KIAA1217: variants seen among roughly 807,000 people sequenced by gnomAD.
KIAA1217 encodes KIAA1217.
In KIAA1217, 88 loss-of-function variants were observed where a neutral mutation model predicts 163.9. The observed-to-expected ratio is 0.54, with a 90% CI of 0.45 to 0.64. The LOEUF (loss-of-function observed/expected upper bound fraction) is 0.64. Among genes scored for constraint, KIAA1217 ranks in the 30% least tolerant of loss-of-function variants. The pLI is 0.00. For synonymous variants in KIAA1217, 903 were observed against 923.1 expected (o/e 0.98, Z 0.39); for missense variants, 2,372 against 2,475.0 (o/e 0.96, Z 0.88).
chr10:24,444,888 G>C (rs558109773), intron 5 of KIAA1217, among the ~76,000 whole-genome samples: 1 of 152,114 alleles, frequency 6.6e-6, no homozygotes, highest in African/African-American at 2.4e-5. Flanking sequence ...CTTCATTCCT[G>C]GACTCTCTTT....
intron 2 of KIAA1217, among the ~76,000 whole-genome samples, chr10:24,234,439 G>A (rs971197706): frequency 3.3e-5 from 5 of 151,890 alleles, no homozygotes; most frequent in South Asian, 2.1e-4. Flanking sequence ...TAAGGCAGGC[G>A]GATCACCTGA....
rs1467796114 is a variant in KIAA1217 at position 24,452,559 on chromosome 10, G to A, written c.846+14080G>A. Among the ~76,000 whole-genome samples the A allele has an allele frequency of 2.6e-5, 4 of 151,010 alleles. 1 individual carries two copies. The highest frequency in any genetic ancestry group is 9.7e-5 in the African/African-American group (4 of 41,064). On this transcript the variant is annotated intron_variant, in intron 5 of 20. Coordinates refer to ENST00000376454, the MANE Select transcript of KIAA1217 (RefSeq NM_019590.5). The stretch of plus-strand genomic sequence containing the variant: ...TAGCTGGGCGTGGTGGCGGGCGCCT[G>A]TAGTCCCAGCTACTCGGGAGGCTGA...
chr10:24,092,394 A>C (rs1259959334), intron 2 of KIAA1217, among the ~76,000 whole-genome samples: 1 of 151,784 alleles, frequency 6.6e-6, no homozygotes, highest in African/African-American at 2.4e-5. Flanking sequence ...CATGCCATAT[A>C]ACCCAGCAAT....
chr10:23,964,567 T>C (rs1257079864), intron 1 of KIAA1217, among the ~76,000 whole-genome samples: 6 of 151,786 alleles, frequency 4.0e-5, no homozygotes, highest in African/African-American at 1.5e-4. Flanking sequence ...TATGTAACAG[T>C]TGAATTTTTT....
At chr10:23,857,956 TA>T (rs770985064) in intron 1 of KIAA1217, among the ~76,000 whole-genome samples, 3,547 of 140,458 alleles carry the variant, frequency 0.025, 96 homozygotes, top group African/African-American at 0.068. Context: ...TCAATCTGGT[TA>T]AAAAAAAAAA....
intron 1 of KIAA1217, among the ~76,000 whole-genome samples, chr10:23,873,807 C>A (rs1035366735): frequency 6.6e-6 from 1 of 151,938 alleles, no homozygotes; most frequent in Non-Finnish European, 1.5e-5. Context: ...TTCAATGTTT[C>A]ACCATTGTAA....
At chr10:24,083,733 A>T (rs1256860041) in intron 2 of KIAA1217, among the ~76,000 whole-genome samples, 1 of 152,182 alleles carries the variant, frequency 6.6e-6, no homozygotes, top group African/African-American at 2.4e-5. Context: ...TAAAATTATA[A>T]AATTACTACA....
intron 2 of KIAA1217, among the ~76,000 whole-genome samples, chr10:24,154,313 G>A (rs1165126729): frequency 6.6e-6 from 1 of 152,028 alleles, no homozygotes; most frequent in Non-Finnish European, 1.5e-5. Context: ...CTGTGTCCCA[G>A]CTTCTCAGGA....
intron 3 of KIAA1217, among the ~76,000 whole-genome samples, chr10:24,416,932 C>T (rs2131445170): frequency 6.6e-6 from 1 of 152,292 alleles, no homozygotes; most frequent in East Asian, 1.9e-4. Flanking sequence ...TTCCCAGACT[C>T]CTCCTCCATT....
intron 1 of KIAA1217, among the ~76,000 whole-genome samples, chr10:24,006,698 C>T (rs1847014652): frequency 6.6e-6 from 1 of 152,172 alleles, no homozygotes; most frequent in South Asian, 2.1e-4. Flanking sequence ...ATGTTCCAGG[C>T]TCTCCTACCT....
chr10:23,938,846 C>CA (rs1843641698), intron 1 of KIAA1217, among the ~76,000 whole-genome samples: 1 of 152,070 alleles, frequency 6.6e-6, no homozygotes, highest in Non-Finnish European at 1.5e-5. Context: ...AGGTAAACTT[C>CA]ACAAGGTATG....
chr10:23,748,393 G>C (rs985892721), intron 1 of KIAA1217, among the ~76,000 whole-genome samples: 2 of 151,010 alleles, frequency 1.3e-5, no homozygotes, highest in African/African-American at 4.9e-5. Flanking sequence ...AATTTTCTTA[G>C]CATCTAGCAC....
intron 2 of KIAA1217, among the ~76,000 whole-genome samples, chr10:24,309,578 C>T (rs1320196163): frequency 6.6e-6 from 1 of 152,184 alleles, no homozygotes; most frequent in Non-Finnish European, 1.5e-5. Context: ...CCACCGAACA[C>T]AGTTTCTTCA....
rs78685485 is a variant in KIAA1217, at chr10:24,098,309, A to G, written c.-171+90935A>G. On this transcript the variant is annotated intron_variant, in intron 2 of 18. Transcript: ENST00000376462. ...TGGAGGAGATACAACTGTTTTGCCC[A>G]TCCTACACTTAGAGGAAAAATAAAG... 1.7e-3 allele frequency among the ~76,000 whole-genome samples: 259 copies of G among 152,236 alleles called. 3 individuals carry two copies. In the East Asian group the frequency reaches 0.032, roughly 19 times the overall value.
intron 1 of KIAA1217, among the ~76,000 whole-genome samples, chr10:23,887,561 AT>A (rs1004044779): frequency 3.3e-5 from 5 of 151,746 alleles, no homozygotes; most frequent in African/African-American, 9.7e-5. Context: ...CAGCCTTGAG[AT>A]TTTTTTATAT....
At chr10:23,860,964 A>G (rs1839925088) in intron 1 of KIAA1217, among the ~76,000 whole-genome samples, 1 of 149,160 alleles carries the variant, frequency 6.7e-6, no homozygotes, top group Non-Finnish European at 1.5e-5. Context: ...CCCAGGCTGG[A>G]GTGCAGTGGG....
intron 1 of KIAA1217, among the ~76,000 whole-genome samples, chr10:23,723,879 A>G (rs922312729): frequency 1.1e-4 from 17 of 152,158 alleles, no homozygotes; most frequent in African/African-American, 4.1e-4. Flanking sequence ...TATAAAGAAA[A>G]GAGGTTTAAT....
chr10:24,090,294 G>A (rs1589453441), intron 2 of KIAA1217, among the ~76,000 whole-genome samples: 1 of 129,834 alleles, frequency 7.7e-6, no homozygotes, highest in Non-Finnish European at 1.6e-5. Context: ...AGCCTCCTAA[G>A]TAGCTTGAAC....
intron 2 of KIAA1217, among the ~76,000 whole-genome samples, chr10:24,313,041 C>T (rs947468053): frequency 1.3e-5 from 2 of 152,166 alleles, no homozygotes; most frequent in African/African-American, 4.8e-5. Flanking sequence ...GAATACACTA[C>T]TATTAAGAAC....
Sources: gnomAD v4.1 joint callset for allele counts (sites outside exome capture counted in the v4.1 genomes callset) on GRCh38, gnomAD v4.1.1 for gene constraint, MANE v1.5 for transcripts, NCBI Gene and HGNC (gene_info 2026-07-23, HGNC 2026-07-21) for gene names.